Variants in ANO8 observed in about 807,000 individuals in gnomAD.
ANO8 encodes the protein anoctamin 8.
ANO8 carries 67 observed loss-of-function variants against 120.4 expected under a neutral mutation model. That is an observed-to-expected ratio of 0.56 (90% confidence interval 0.46 to 0.68). The LOEUF (loss-of-function observed/expected upper bound fraction) is 0.68. Among genes scored for constraint, ANO8 ranks in the 30% least tolerant of loss-of-function variants. ANO8 has a pLI of 0.00. For missense variants in ANO8, 1,526 were observed against 1,737.6 expected (o/e 0.88, Z 2.16); for synonymous variants, 727 against 759.2 (o/e 0.96, Z 0.70).
Position 17,328,690 on chromosome 19 carries a change from C to T in ANO8, c.1698G>A (p.Arg566=). Residue 566 remains arginine, a synonymous_variant, in exon 13 of 18, where the codon CGG becomes CGA. Coordinates refer to ENST00000159087, the MANE Select transcript of ANO8 (RefSeq NM_020959.3). ...EEEAALVERR[R]AGEGGEEGDG... is the part of the protein sequence containing the mutation. Reference sequence around the variant, plus strand: ...CCCCCTCCTCCCCGCCTTCCCCCGCCCGCCGCCGCTCCACCAGCGCCGCCT... The same window carrying T: ...CCCCCTCCTCCCCGCCTTCCCCCGCTCGCCGCCGCTCCACCAGCGCCGCCT... 5 of 1,397,772 alleles carry T rather than the reference C, an allele frequency of 3.6e-6. No homozygotes were observed. 86.6% of individuals were successfully genotyped at this position (1,397,772 alleles called of 1,614,324 possible).
chr19:17,324,930 C>T lies in ANO8; in HGVS notation c.3118G>A (p.Glu1040Lys), dbSNP rs777176898. ...GCTTTGGGCGGTGAGTGGCTGCGCT[C>T]AGAGTCCCGCCGGGTCTCGGGTGAC... ...LKSPETRRDS[E>K]RSHSPPKAFH... Residue 1040 changes from glutamate (E) to lysine (K), a missense_variant, in exon 17 of 18, where the codon GAG becomes AAG. This residue lies in a region of ANO8 where 489 missense variants were observed against 548.6 expected (regional missense o/e 0.89). Transcript: ENST00000159087. 1.9e-6 allele frequency: 3 copies of T among 1,613,348 alleles called. No homozygotes were observed. The highest frequency in any genetic ancestry group is 1.7e-5 in the Admixed American group (1 of 60,026).
At chr19:17,331,010 T>A in intron 7 of ANO8, 21 bp from the exon 8 acceptor site, 1 of 1,613,588 alleles carries the variant, frequency 6.2e-7, no homozygotes, top group East Asian at 2.2e-5. Flanking sequence ...CAGAGAAGAG[T>A]TGAGTCATTG....
rs1455193397 is a variant in ANO8 at position 17,328,200 on chromosome 19, T to C, written c.2188A>G (p.Thr730Ala). The change falls in exon 13 of 18, where the codon ACC (threonine) becomes GCC (alanine). Residue 730 changes from threonine to alanine, a missense_variant. Around this residue, in one of 8 missense-constraint regions of ANO8, gnomAD observed 467 missense variants for 425.8 expected, o/e 1.10. Coordinates refer to ENST00000159087, the MANE Select transcript of ANO8 (RefSeq NM_020959.3). Reference sequence around the variant, plus strand: ...ATACAGCTCTCCAGCTCTGCCTGGGTGAGCTGGGGCGAGTGTTCCTCCTCC... The same window carrying C: ...ATACAGCTCTCCAGCTCTGCCTGGGCGAGCTGGGGCGAGTGTTCCTCCTCC... Reference protein sequence around the residue: ...PPEEEHSPQLTQAELESCMKK... With the variant: ...PPEEEHSPQLAQAELESCMKK... 6.3e-7 allele frequency: 1 copy of C among 1,578,926 alleles called. No homozygotes were observed. The highest frequency in any genetic ancestry group is 8.7e-7 in the Non-Finnish European group (1 of 1,155,116).
Position 17,328,747 on chromosome 19 carries a change from G to A in ANO8, c.1641C>T (p.Ser547=), listed in dbSNP as rs2074294778. Residue 547 remains serine (S), a synonymous_variant, in exon 13 of 18, where the codon AGC becomes AGT. Transcript: ENST00000159087. ...CCTCCTCCGGCGCCCCGCAGCCCCCGCTGAGGCACCTGCGGCCCCCGCCCC... is the reference window on the plus strand; with the variant it reads ...CCTCCTCCGGCGCCCCGCAGCCCCCACTGAGGCACCTGCGGCCCCCGCCCC... The part of the protein sequence containing the change: ...GSGGGGRRCL[S]GGCGAPEEEE... The A allele has an allele frequency of 2.3e-6, 3 of 1,319,320 alleles. No homozygotes were observed. The highest frequency in any genetic ancestry group is 1.6e-5 in the African/African-American group (1 of 62,910). 81.7% of individuals were successfully genotyped at this position (1,319,320 alleles called of 1,614,324 possible).
Position 17,333,288 on chromosome 19 carries a change from C to G in ANO8, c.351-49G>C. On this transcript the variant is annotated intron_variant, in intron 3 of 17. Coordinates refer to ENST00000159087, the MANE Select transcript of ANO8 (RefSeq NM_020959.3). This position sits in a 1 kb window ranked among gnomAD's most constrained non-coding sequence, Gnocchi z 7.2. Reference sequence around the variant, plus strand: ...GGCTCACAGGGAGGCCCCGGCCCACCATCCTGGAGCTGAGGATGGTGCACC... The same window carrying G: ...GGCTCACAGGGAGGCCCCGGCCCACGATCCTGGAGCTGAGGATGGTGCACC... 6.2e-7 allele frequency: 1 copy of G among 1,601,566 alleles called. No individual in the cohort carries two copies. The highest frequency in any genetic ancestry group is 8.5e-7 in the Non-Finnish European group (1 of 1,171,950).
In ANO8 at chr19:17,323,577, C is replaced by G. The variant is rs1446545505; in HGVS notation, c.3639G>C (p.Ala1213=). 1.6e-5 allele frequency: 18 copies of G among 1,095,610 alleles called. No homozygotes were observed. Among genetic ancestry groups the G allele is most frequent in the Non-Finnish European group, 1.9e-5 (17 of 895,164 alleles). The allele number at this position is 1,095,610 out of a possible 1,614,324, so 67.9% of individuals were successfully genotyped here. The part of the protein sequence containing the change: ...PPTSDPLETP[A]PSPSPSPSPQ... ...GGCTGGGGCTGGGGCTAGGGGAGGG[C>G]GCTGGGGTCTCGAGGGGATCCGAGG... Residue 1213 remains alanine (A), a synonymous_variant, in exon 18 of 18, where the codon GCG becomes GCC. Transcript: ENST00000159087.
At chr19:17,334,009 C>G (rs976826340) in intron 1 of ANO8, among the ~76,000 whole-genome samples, 3 of 152,200 alleles carry the variant, frequency 2.0e-5, no homozygotes, top group African/African-American at 7.2e-5. Context: ...CCCAGATCCT[C>G]CCTTACAAAT....
In ANO8 at chr19:17,329,495, T is replaced by C. The variant is rs372138895; in HGVS notation, c.1404+262A>G. On this transcript the variant is annotated intron_variant, in intron 12 of 17. Transcript: ENST00000159087. ...GGCCGCGAGCGGGACCAGCACCGCC[T>C]GCAGCTGCCGCTCGAGGCTCTGGGA... 1.7e-3 allele frequency: 935 copies of C among 538,652 alleles called. 2 individuals carry two copies. The highest frequency in any genetic ancestry group is 5.3e-3 in the South Asian group (250 of 47,154). 33.4% of individuals were successfully genotyped at this position (538,652 alleles called of 1,614,324 possible). A position where few individuals can be genotyped will look rare whatever the true frequency, so the allele number is the denominator to read the frequency against.
chr19:17,323,784 CGGTGTCG>C lies in ANO8; in HGVS notation c.3425_3431del (p.Pro1142ArgfsTer175), dbSNP rs2074254561. On this transcript the variant is annotated frameshift_variant, in exon 18 of 18. Coordinates refer to ENST00000159087, the MANE Select transcript of ANO8 (RefSeq NM_020959.3). LOFTEE classifies it low-confidence loss of function (END_TRUNC). ...CGTCCCACTGCCAGCAGCCTGCGGGCGGTGTCGGGGGCCGGGGCAGCGGCATTGGCGG... is the reference window on the plus strand; with the variant it reads ...CGTCCCACTGCCAGCAGCCTGCGGGCGGGGCCGGGGCAGCGGCATTGGCGG... 8.6e-7 allele frequency: 1 copy of C among 1,164,670 alleles called. No homozygotes were observed. Among genetic ancestry groups the C allele is most frequent in the African/African-American group, 1.6e-5 (1 of 61,354 alleles). The allele number at this position is 1,164,670 out of a possible 1,614,324, so 72.1% of individuals were successfully genotyped here. A position where few individuals can be genotyped will look rare whatever the true frequency, so the allele number is the denominator to read the frequency against.
intron 16 of ANO8, among the ~76,000 whole-genome samples, chr19:17,326,707 T>C (rs1445110920): frequency 1.3e-5 from 2 of 152,172 alleles, no homozygotes; most frequent in Non-Finnish European, 2.9e-5. Context: ...CCTCGAGGAA[T>C]GTTCCCTGTG....
chr19:17,328,652 C>A lies in ANO8; in HGVS notation c.1736G>T (p.Gly579Val). The A allele has an allele frequency of 6.8e-7, 1 of 1,477,094 alleles. No homozygotes were observed. The highest frequency in any genetic ancestry group is 9.0e-7 in the Non-Finnish European group (1 of 1,106,690). The allele number at this position is 1,477,094 out of a possible 1,614,324, so 91.5% of individuals were successfully genotyped here. Residue 579 changes from glycine (G) to valine (V), a missense_variant, in exon 13 of 18, where the codon GGG (glycine) becomes GTG (valine). Physicochemically the swap from Gly to Val is moderately radical, Grantham distance 109. Transcript: ENST00000159087. ...GTCGTCCTCGTCCTCCTCCTTGCCC[C>A]CTGGAGGCCCGTCCCCCTCCTCCCC... ...EGGEEGDGPP[G>V]GKEEDEDDEE...
chr19:17,332,836 G>T, intron 5 of ANO8, 94 bp downstream of exon 5: 3 of 1,427,894 alleles, frequency 2.1e-6, no homozygotes, highest in South Asian at 1.2e-5. Context: ...TGACTGGTTG[G>T]ATCTGGGCCC....
At position 17,334,692 on chromosome 19, in the gene ANO8, G is replaced by T; in HGVS notation, c.-22C>A. The T allele has an allele frequency of 2.2e-6, 3 of 1,377,656 alleles. No individual in the cohort carries two copies. The highest frequency in any genetic ancestry group is 9.3e-7 in the Non-Finnish European group (1 of 1,074,218). 85.3% of individuals were successfully genotyped at this position (1,377,656 alleles called of 1,614,324 possible). On this transcript the variant is annotated 5_prime_UTR_variant, in exon 1 of 18. Transcript: ENST00000159087. Reference sequence around the variant, plus strand: ...CCATGGCGAGGACAGGTCAGGTCAGGGGCTACGGACGGCCCGGGCGACGGG... The same window carrying T: ...CCATGGCGAGGACAGGTCAGGTCAGTGGCTACGGACGGCCCGGGCGACGGG...
At chr19:17,331,651 GTT>G (rs369893061) in intron 5 of ANO8, among the ~76,000 whole-genome samples, 16 of 143,370 alleles carry the variant, frequency 1.1e-4, no homozygotes, top group South Asian at 6.6e-4. Flanking sequence ...GAGGAACCAT[GTT>G]TTTTTTTTTT....
intron 14 of ANO8, 48 bp downstream of exon 14, chr19:17,327,641 C>A: frequency 1.9e-6 from 3 of 1,607,432 alleles, no homozygotes; most frequent in Non-Finnish European, 2.6e-6. Context: ...CCCAGCTGCA[C>A]CTGGGCTCCC....
rs778113514 is a variant in ANO8 at position 17,331,078 on chromosome 19, T to C, written c.831+10A>G. The C allele has an allele frequency of 1.3e-5, 21 of 1,614,174 alleles. No individual in the cohort carries two copies. In the South Asian group the frequency reaches 2.3e-4, roughly 18 times the overall value. On this transcript the variant is annotated intron_variant, in intron 7 of 17. Coordinates refer to ENST00000159087, the MANE Select transcript of ANO8 (RefSeq NM_020959.3). ...GATCCCCCAGACCTTGCAGGGTCCC[T>C]GCCCAGTACCTGATCAGCCTCTGTG...
In ANO8 at chr19:17,327,573, C is replaced by G. The variant is rs1353007895; in HGVS notation, c.2419-4G>C. ...CACCCATGGCCTCCATCACCTTCTG[C>G]AGGGCGGCAGGAGGGCTCAGGCGGG... On this transcript the variant is annotated splice_polypyrimidine_tract_variant and splice_region_variant and intron_variant, in intron 14 of 17. Coordinates refer to ENST00000159087, the MANE Select transcript of ANO8 (RefSeq NM_020959.3). The G allele has an allele frequency of 3.7e-6, 6 of 1,613,172 alleles. No individual in the cohort carries two copies. Among genetic ancestry groups the G allele is most frequent in the Non-Finnish European group, 5.1e-6 (6 of 1,179,800 alleles).
At position 17,323,463 on chromosome 19, in the gene ANO8, G is replaced by A. The variant is rs1217994352; in HGVS notation, c.*54C>T. 7.8e-7 allele frequency: 1 copy of A among 1,283,266 alleles called. No homozygotes were observed. The highest frequency in any genetic ancestry group is 9.9e-7 in the Non-Finnish European group (1 of 1,013,450). 79.5% of individuals were successfully genotyped at this position (1,283,266 alleles called of 1,614,324 possible). A position where few individuals can be genotyped will look rare whatever the true frequency, so the allele number is the denominator to read the frequency against. On this transcript the variant is annotated 3_prime_UTR_variant, in exon 18 of 18. Transcript: ENST00000159087. ...GCATTTTGCATTTTGGAGACCGGCC[G>A]CCCCTGTGAATGACTGATATTGCAT...
chr19:17,328,431 C>G lies in ANO8; in HGVS notation c.1957G>C (p.Val653Leu). ...TMVEKGLEPG[V>L]FTLAEEDDEA... ...TCGTCCTCCTCGGCCAGGGTGAACA[C>G]TCCCGGCTCCAGCCCCTTCTCCACC... Residue 653 changes from valine to leucine, a missense_variant, in exon 13 of 18, where the codon GTG becomes CTG. Around this residue, in one of 8 missense-constraint regions of ANO8, gnomAD observed 467 missense variants for 425.8 expected, o/e 1.10. Coordinates refer to ENST00000159087, the MANE Select transcript of ANO8 (RefSeq NM_020959.3). 6.3e-7 allele frequency: 1 copy of G among 1,576,098 alleles called. No individual in the cohort carries two copies. The highest frequency in any genetic ancestry group is 1.8e-5 in the Admixed American group (1 of 55,280).
Sources: allele counts gnomAD v4.1 joint callset (sites outside exome capture counted in the v4.1 genomes callset), GRCh38; gene constraint gnomAD v4.1.1; regional missense constraint gnomAD v4.1.1; non-coding constraint Gnocchi (gnomAD v3.1); transcripts MANE v1.5; gene names NCBI Gene and HGNC (gene_info 2026-07-23, HGNC 2026-07-21).